ERC2: variants seen among roughly 807,000 people sequenced by gnomAD.
ERC2 encodes the protein ELKS/RAB6-interacting/CAST family member 2, also known as ERC protein 2.
In ERC2, 42 loss-of-function variants were observed where a neutral mutation model predicts 114.8. The ratio of observed to expected loss-of-function variants is 0.37; its 90% CI spans 0.29 to 0.47. The LOEUF (loss-of-function observed/expected upper bound fraction) is 0.47. ERC2 is among the 20% of genes least tolerant of loss of function. The pLI, the probability that ERC2 is intolerant of heterozygous loss-of-function variation, is 0.99. For missense variants in ERC2, 939 were observed against 1,150.7 expected (o/e 0.82, Z 2.66); for synonymous variants, 454 against 425.5 (o/e 1.07, Z -0.82).
intron 14 of ERC2, among the ~76,000 whole-genome samples, chr3:55,781,404 T>C (rs987499439): frequency 1.3e-5 from 2 of 152,114 alleles, no homozygotes; most frequent in African/African-American, 4.8e-5. Flanking sequence ...TTCCTGGACT[T>C]CTCCATATGA....
chr3:55,938,236 T>C (rs2149418299), intron 13 of ERC2, among the ~76,000 whole-genome samples: 1 of 152,126 alleles, frequency 6.6e-6, no homozygotes, highest in African/African-American at 2.4e-5. Flanking sequence ...GCATTTAAAA[T>C]ATAGAGCTAT....
intron 1 of ERC2, among the ~76,000 whole-genome samples, chr3:56,441,706 G>C (rs1431206924): frequency 2.6e-5 from 4 of 152,104 alleles, no homozygotes; most frequent in African/African-American, 9.7e-5. Flanking sequence ...CCGGGTTCAA[G>C]TGGCTAATTT....
At chr3:56,413,811 G>A (rs1296985896) in intron 2 of ERC2, among the ~76,000 whole-genome samples, 1 of 152,076 alleles carries the variant, frequency 6.6e-6, no homozygotes, top group Non-Finnish European at 1.5e-5. Flanking sequence ...GAAACACCTC[G>A]GGAAATTTCT....
chr3:55,861,733 G>A (rs532355951), intron 14 of ERC2, among the ~76,000 whole-genome samples: 1 of 152,150 alleles, frequency 6.6e-6, no homozygotes, highest in Non-Finnish European at 1.5e-5. Context: ...GGTTATAAAA[G>A]CCCCAGGCCT....
At chr3:56,089,212 C>A (rs2077658479) in intron 6 of ERC2, among the ~76,000 whole-genome samples, 1 of 152,046 alleles carries the variant, frequency 6.6e-6, no homozygotes, top group Admixed American at 6.6e-5. Context: ...AGTCAGCTAC[C>A]AAAAATACCT....
At chr3:56,027,203 A>G (rs1045725487) in intron 7 of ERC2, among the ~76,000 whole-genome samples, 1 of 152,198 alleles carries the variant, frequency 6.6e-6, no homozygotes, top group Non-Finnish European at 1.5e-5. Flanking sequence ...AGGCTTGCTT[A>G]AGCATTTACC....
chr3:56,449,873 C>T (rs1176332135), intron 1 of ERC2, among the ~76,000 whole-genome samples: 1 of 152,190 alleles, frequency 6.6e-6, no homozygotes, highest in Non-Finnish European at 1.5e-5. Context: ...CTCAAAGTTG[C>T]CATAGAATTC....
intron 2 of ERC2, among the ~76,000 whole-genome samples, chr3:56,332,839 T>C (rs537227146): frequency 6.6e-6 from 1 of 152,202 alleles, no homozygotes; most frequent in East Asian, 1.9e-4. Context: ...CTCCTAGGAA[T>C]CAGATCCAAG....
At chr3:56,148,397 T>C (rs1480709043) in intron 5 of ERC2, among the ~76,000 whole-genome samples, 2 of 152,194 alleles carry the variant, frequency 1.3e-5, no homozygotes, top group East Asian at 3.9e-4. Context: ...GTGATTCTCC[T>C]GCCTCAGCCT....
chr3:55,578,054 G>C (rs1446833164), intron 17 of ERC2, among the ~76,000 whole-genome samples: 2 of 152,172 alleles, frequency 1.3e-5, no homozygotes, highest in African/African-American at 4.8e-5. Context: ...AACAAGGCAG[G>C]ATATGGCGAA....
intron 17 of ERC2, among the ~76,000 whole-genome samples, chr3:55,660,270 C>T (rs914782408): frequency 6.6e-6 from 1 of 152,210 alleles, no homozygotes; most frequent in African/African-American, 2.4e-5. Context: ...ATTTGTTCCA[C>T]CTGATATTCC....
At chr3:56,407,161 T>C (rs554645635) in intron 2 of ERC2, among the ~76,000 whole-genome samples, 19 of 152,314 alleles carry the variant, frequency 1.2e-4, no homozygotes, top group African/African-American at 3.8e-4. Flanking sequence ...CCAACAACTT[T>C]CACCCACCCC....
At chr3:56,249,349 A>G (rs769041719) in intron 3 of ERC2, among the ~76,000 whole-genome samples, 3 of 151,342 alleles carry the variant, frequency 2.0e-5, no homozygotes, top group Admixed American at 2.0e-4. Context: ...TTTTTGAGAC[A>G]GAGTCTCGCT....
intron 15 of ERC2, among the ~76,000 whole-genome samples, chr3:55,701,718 A>T (rs2063233443): frequency 6.6e-6 from 1 of 152,202 alleles, no homozygotes; most frequent in African/African-American, 2.4e-5. Context: ...TGTGAGAAAG[A>T]GCAGGTCAGT....
At chr3:55,570,570 G>A (rs1396356369) in intron 17 of ERC2, among the ~76,000 whole-genome samples, 1 of 152,240 alleles carries the variant, frequency 6.6e-6, no homozygotes, top group East Asian at 1.9e-4. Flanking sequence ...TCTCTCCCAG[G>A]AGTTCAAAGG....
rs552101685 is a variant in ERC2, at chr3:55,978,175, G to A, written c.2267+7802C>T. 3.4e-4 allele frequency among the ~76,000 whole-genome samples: 51 copies of A among 152,210 alleles called. 1 individual carries two copies. In the South Asian group the frequency reaches 8.3e-3, roughly 25 times the overall value. On this transcript the variant is annotated intron_variant, in intron 12 of 17. Transcript: ENST00000288221. The stretch of plus-strand genomic sequence containing the variant: ...TAAATACTTGGCCCATCCTCTAAAC[G>A]CAATATCAGATCTTTTTATACATGA...
intron 2 of ERC2, among the ~76,000 whole-genome samples, chr3:56,308,041 G>C (rs1243208222): frequency 6.6e-6 from 1 of 152,132 alleles, no homozygotes; most frequent in African/African-American, 2.4e-5. Flanking sequence ...GGTGCAGAGA[G>C]TTTCCTTAAC....
intron 3 of ERC2, among the ~76,000 whole-genome samples, chr3:56,174,815 TA>T (rs1257793186): frequency 6.6e-6 from 1 of 151,900 alleles, no homozygotes; most frequent in Non-Finnish European, 1.5e-5. Context: ...CTGTCTCTAC[TA>T]AAAATACAAA....
intron 12 of ERC2, among the ~76,000 whole-genome samples, chr3:55,965,990 T>A (rs1379369249): frequency 6.6e-6 from 1 of 152,152 alleles, no homozygotes; most frequent in African/African-American, 2.4e-5. Context: ...CACAACCACT[T>A]CCAAAATCCA....
Sources: allele counts gnomAD v4.1 joint callset (sites outside exome capture counted in the v4.1 genomes callset), GRCh38; gene constraint gnomAD v4.1.1; transcripts MANE v1.5; gene names NCBI Gene and HGNC (gene_info 2026-07-23, HGNC 2026-07-21).